Variants in NRXN1 observed in about 807,000 individuals in gnomAD.
NRXN1 encodes the protein neurexin-1.
Under a neutral mutation model 150.9 loss-of-function variants are expected in NRXN1, and 39 were observed. That is an observed-to-expected ratio of 0.26 (90% CI 0.20 to 0.34). The LOEUF is 0.34. NRXN1 is among the 10% of genes least tolerant of loss of function. NRXN1 has a pLI of 1.00. For synonymous variants in NRXN1, 924 were observed against 757.0 expected (o/e 1.22, Z -3.62); for missense variants, 1,815 against 1,949.9 (o/e 0.93, Z 1.30).
intron 8 of NRXN1, among the ~76,000 whole-genome samples, chr2:50,560,264 T>C (rs1443232036): frequency 6.6e-6 from 1 of 152,118 alleles, no homozygotes; most frequent in African/African-American, 2.4e-5. Flanking sequence ...TCTGGGAATG[T>C]CACTCCATAG....
chr2:50,441,767 T>C (rs2104454589), intron 17 of NRXN1, among the ~76,000 whole-genome samples: 1 of 151,044 alleles, frequency 6.6e-6, no homozygotes, highest in Admixed American at 6.6e-5. Flanking sequence ...GTCTTAAAAA[T>C]ATCGAAAAAA....
intron 17 of NRXN1, among the ~76,000 whole-genome samples, chr2:50,405,924 A>C (rs1414112053): frequency 6.6e-6 from 1 of 152,146 alleles, no homozygotes; most frequent in South Asian, 2.1e-4. Flanking sequence ...TTCTCACAAA[A>C]CTCTGCAACG....
intron 2 of NRXN1, among the ~76,000 whole-genome samples, chr2:50,965,701 G>A (rs1230345688): frequency 1.3e-5 from 2 of 151,324 alleles, no homozygotes; most frequent in Non-Finnish European, 3.0e-5. Flanking sequence ...CGGTTTTAAT[G>A]CTGACAAGAA....
chr2:50,882,073 T>C (rs1405187583), intron 5 of NRXN1, among the ~76,000 whole-genome samples: 3 of 151,868 alleles, frequency 2.0e-5, no homozygotes, highest in Non-Finnish European at 4.4e-5. Context: ...AAAGGATATA[T>C]TGTCAAAACA....
intron 2 of NRXN1, among the ~76,000 whole-genome samples, chr2:51,002,042 G>A (rs1020777608): frequency 4.0e-5 from 6 of 151,898 alleles, no homozygotes; most frequent in Non-Finnish European, 5.9e-5. Context: ...TACCAAATTT[G>A]TCCATTCATA....
chr2:50,328,865 C>A (rs965380220), intron 17 of NRXN1, among the ~76,000 whole-genome samples: 1 of 152,200 alleles, frequency 6.6e-6, no homozygotes, highest in Non-Finnish European at 1.5e-5. Context: ...GCACTTGACT[C>A]CTGACCCAGA....
intron 8 of NRXN1, among the ~76,000 whole-genome samples, chr2:50,572,875 C>G (rs149716738): frequency 1.0e-3 from 153 of 152,222 alleles, no homozygotes; most frequent in African/African-American, 3.5e-3. Context: ...CATTTTGTTT[C>G]TAGTTTCAGC....
intron 21 of NRXN1, among the ~76,000 whole-genome samples, chr2:50,014,727 T>A (rs6545144): frequency 0.83 from 126,552 of 152,082 alleles, 52,733 homozygotes; most frequent in Middle Eastern, 0.88. Flanking sequence ...TAAACAAATT[T>A]TAAAGCCTCC....
At chr2:50,889,883 A>G (rs1680800771) in intron 5 of NRXN1, among the ~76,000 whole-genome samples, 1 of 151,782 alleles carries the variant, frequency 6.6e-6, no homozygotes, top group South Asian at 2.1e-4. Context: ...TATTCCTTCT[A>G]AAACATTTAA....
chr2:50,750,969 A>G (rs998051014), intron 5 of NRXN1, among the ~76,000 whole-genome samples: 19 of 151,992 alleles, frequency 1.3e-4, no homozygotes, highest in African/African-American at 3.9e-4. Context: ...ATAGGTAGCT[A>G]TGCAATAAGA....
In NRXN1 at chr2:50,889,265, C is replaced by T. The variant is rs910740483; in HGVS notation, c.832+32604G>A. ...TCTTTCTTTCTGACTTTCCATCAGA[C>T]GGGAAGTGTTCTCTGAGCTCTTCAA... On this transcript the variant is annotated intron_variant, in intron 5 of 22. Coordinates refer to ENST00000401669, the MANE Select transcript of NRXN1 (RefSeq NM_001330078.2). 5.9e-5 allele frequency among the ~76,000 whole-genome samples: 9 copies of T among 151,700 alleles called. No individual in the cohort carries two copies. The South Asian group carries it at 6.2e-4, about 10-fold the overall frequency.
chr2:50,033,088 T>A (rs1488044154), intron 21 of NRXN1, among the ~76,000 whole-genome samples: 2 of 151,950 alleles, frequency 1.3e-5, no homozygotes, highest in Non-Finnish European at 2.9e-5. Flanking sequence ...CTCTATTAAC[T>A]AAAATTTAAG....
rs541798057 is a variant in NRXN1 at position 50,934,954 on chromosome 2, G to A, written c.773-8999C>T. Among the ~76,000 whole-genome samples the A allele has an allele frequency of 2.3e-4, 35 of 152,096 alleles. 1 individual carries two copies. The highest frequency in any genetic ancestry group is 3.9e-4 in the Admixed American group (6 of 15,270). ...CTTTAGACCTCATAGATGAGAAAAC[G>A]CTGAACCTATTTTGATTTTTAAGTA... On this transcript the variant is annotated intron_variant, in intron 2 of 22. Transcript: ENST00000401669.
intron 21 of NRXN1, chr2:49,966,820 G>A (rs1384546675): frequency 6.6e-6 from 1 of 151,912 alleles, no homozygotes; most frequent in Non-Finnish European, 1.5e-5. Context: ...TCTGGGCTGG[G>A]GATCATATAG....
intron 5 of NRXN1, among the ~76,000 whole-genome samples, chr2:50,858,467 T>C (rs1675595365): frequency 6.6e-6 from 1 of 152,032 alleles, no homozygotes; most frequent in Admixed American, 6.6e-5. Flanking sequence ...GAGTAACAGC[T>C]TTCTCCACTC....
intron 18 of NRXN1, among the ~76,000 whole-genome samples, chr2:50,134,637 T>C (rs1706101409): frequency 6.6e-6 from 1 of 152,148 alleles, no homozygotes; most frequent in African/African-American, 2.4e-5. Context: ...TGTGAGATAC[T>C]GACACCAAGC....
intron 5 of NRXN1, among the ~76,000 whole-genome samples, chr2:50,695,012 C>G (rs759312904): frequency 2.6e-5 from 4 of 152,102 alleles, no homozygotes; most frequent in Non-Finnish European, 4.4e-5. Flanking sequence ...AGAATAAACA[C>G]AGCTGGATTC....
intron 5 of NRXN1, among the ~76,000 whole-genome samples, chr2:50,635,649 T>C (rs1683131743): frequency 6.6e-6 from 1 of 152,186 alleles, no homozygotes; most frequent in Non-Finnish European, 1.5e-5. Context: ...TTCTATAGTT[T>C]CTTCCCTCAA....
chr2:50,965,189 T>C (rs1365630652), intron 2 of NRXN1, among the ~76,000 whole-genome samples: 1 of 151,392 alleles, frequency 6.6e-6, no homozygotes, highest in East Asian at 1.9e-4. Context: ...ATATATTGTG[T>C]CATATGTATT....
Sources: allele counts gnomAD v4.1 joint callset (sites outside exome capture counted in the v4.1 genomes callset), GRCh38; gene constraint gnomAD v4.1.1; transcripts MANE v1.5; gene names NCBI Gene and HGNC (gene_info 2026-07-23, HGNC 2026-07-21).